Variants in UTRN observed in about 807,000 individuals in gnomAD.
The protein encoded by UTRN is dystrophin-related protein 1.
A neutral mutation model predicts 463.9 loss-of-function variants in UTRN; 283 were observed. That is an observed-to-expected ratio of 0.61 (90% confidence interval 0.55 to 0.67). The LOEUF is 0.67. Among genes scored for constraint, UTRN ranks in the 30% least tolerant of loss-of-function variants. UTRN has a pLI of 0.00. For missense variants in UTRN, 3,922 were observed against 4,084.3 expected (o/e 0.96, Z 1.08); for synonymous variants, 1,442 against 1,431.5 (o/e 1.01, Z -0.17).
intron 2 of UTRN, among the ~76,000 whole-genome samples, chr6:144,331,369 A>G (rs1776320842): frequency 6.6e-6 from 1 of 152,168 alleles, no homozygotes; most frequent in Admixed American, 6.5e-5. Context: ...GTTGAATATG[A>G]ATGGATTGGG....
chr6:144,745,864 TAACA>T (rs1790678432), intron 54 of UTRN, among the ~76,000 whole-genome samples: 1 of 152,078 alleles, frequency 6.6e-6, no homozygotes, highest in African/African-American at 2.4e-5. Flanking sequence ...AGTGACTTAT[TAACA>T]AACACAGGTG....
At chr6:144,685,678 A>G (rs1033708781) in intron 52 of UTRN, among the ~76,000 whole-genome samples, 1 of 151,996 alleles carries the variant, frequency 6.6e-6, no homozygotes, top group African/African-American at 2.4e-5. Context: ...AGAAATGTCT[A>G]ATCATGTCAT....
chr6:144,687,216 G>A (rs1014681154), intron 52 of UTRN, among the ~76,000 whole-genome samples: 14 of 152,020 alleles, frequency 9.2e-5, no homozygotes, highest in African/African-American at 2.7e-4. Context: ...TGTTCATCAG[G>A]GATATTGGTC....
intron 33 of UTRN, among the ~76,000 whole-genome samples, chr6:144,498,658 A>G (rs1463660577): frequency 6.7e-6 from 1 of 149,048 alleles, no homozygotes; most frequent in Non-Finnish European, 1.5e-5. Flanking sequence ...ACACATAACA[A>G]TCTTTTTTTT....
intron 53 of UTRN, among the ~76,000 whole-genome samples, chr6:144,724,263 C>CT: frequency 8.3e-6 from 1 of 120,046 alleles, no homozygotes; most frequent in African/African-American, 3.2e-5. Flanking sequence ...GAGTCTCGCT[C>CT]TGTCACCCAG....
At chr6:144,410,041 C>A (rs926858107) in intron 3 of UTRN, among the ~76,000 whole-genome samples, 1 of 152,144 alleles carries the variant, frequency 6.6e-6, no homozygotes, top group African/African-American at 2.4e-5. Context: ...TCCACCTTCT[C>A]AACAACTCCT....
chr6:144,655,585 G>T (rs1338839765), intron 51 of UTRN, among the ~76,000 whole-genome samples: 1 of 152,086 alleles, frequency 6.6e-6, no homozygotes, highest in African/African-American at 2.4e-5. Flanking sequence ...ATCACCTATT[G>T]ACCTTCCATA....
chr6:144,687,245 G>A (rs897474154), intron 52 of UTRN, among the ~76,000 whole-genome samples: 1 of 151,974 alleles, frequency 6.6e-6, no homozygotes, highest in Non-Finnish European at 1.5e-5. Context: ...TGTTTGTTAG[G>A]TTGTTTCCTG....
chr6:144,725,134 G>A (rs1316027174), intron 53 of UTRN, among the ~76,000 whole-genome samples: 3 of 152,158 alleles, frequency 2.0e-5, no homozygotes, highest in Non-Finnish European at 4.4e-5. Context: ...AATCATGGGG[G>A]CAGGTTTTTC....
intron 57 of UTRN, among the ~76,000 whole-genome samples, chr6:144,757,037 C>A (rs1792070788): frequency 6.6e-6 from 1 of 151,902 alleles, no homozygotes; most frequent in South Asian, 2.1e-4. Flanking sequence ...GTATTGGTGA[C>A]AACTGGCTAC....
At chr6:144,288,802 G>A (rs540849378) in intron 1 of UTRN, among the ~76,000 whole-genome samples, 11 of 138,980 alleles carry the variant, frequency 7.9e-5, no homozygotes, top group African/African-American at 2.5e-4. Context: ...CCACTCGGTC[G>A]TCAAGGCTGG....
At chr6:144,388,313 C>T (rs1295250022) in intron 2 of UTRN, among the ~76,000 whole-genome samples, 1 of 151,154 alleles carries the variant, frequency 6.6e-6, no homozygotes, top group African/African-American at 2.4e-5. Context: ...ATTTTTTTAA[C>T]CTTTTGTGTT....
chr6:144,428,245 C>T (rs1386262993), intron 7 of UTRN, among the ~76,000 whole-genome samples: 1 of 152,124 alleles, frequency 6.6e-6, no homozygotes, highest in Non-Finnish European at 1.5e-5. Flanking sequence ...GGAAACTCTT[C>T]CAAGGCTTTT....
In UTRN at chr6:144,403,113, C is replaced by T; in HGVS notation, c.80-10C>T. 6.2e-7 allele frequency: 1 copy of T among 1,612,142 alleles called. No individual in the cohort carries two copies. The highest frequency in any genetic ancestry group is 8.5e-7 in the Non-Finnish European group (1 of 1,178,808). On this transcript the variant is annotated splice_polypyrimidine_tract_variant and intron_variant, in intron 2 of 74. Transcript: ENST00000367545. The stretch of plus-strand genomic sequence containing the variant: ...TACTTTTTCCTTCTCTTTCTTTTTC[C>T]ATTCCACAGATGAACACAATGACGT...
intron 51 of UTRN, among the ~76,000 whole-genome samples, chr6:144,582,975 T>C (rs1274495434): frequency 3.3e-5 from 5 of 152,176 alleles, no homozygotes; most frequent in Non-Finnish European, 5.9e-5. Context: ...AGAGCACAGC[T>C]AGAGCTGCAT....
intron 57 of UTRN, 67 bp from the exon 58 acceptor site, chr6:144,757,862 G>C (rs1375285378): frequency 7.1e-7 from 1 of 1,418,312 alleles, no homozygotes; most frequent in East Asian, 2.4e-5. Flanking sequence ...ATGTTCAGTT[G>C]TTTTGCATTA....
Position 144,424,496 on chromosome 6 carries a change from A to T in UTRN, c.405+418A>T, listed in dbSNP as rs143611142. ...AACTAGTGACATCTGCAATGACCTTATTTCCAAATAGAGCCCCTCTCTGAA... is the reference window on the plus strand; with the variant it reads ...AACTAGTGACATCTGCAATGACCTTTTTTCCAAATAGAGCCCCTCTCTGAA... On this transcript the variant is annotated intron_variant, in intron 6 of 74. Transcript: ENST00000367545. Among the ~76,000 whole-genome samples, 5 of 152,252 alleles carry T rather than the reference A, an allele frequency of 3.3e-5. No individual in the cohort carries two copies. The East Asian group carries it at 7.7e-4, about 24-fold the overall frequency.
chr6:144,739,010 T>A (rs1174197331), intron 54 of UTRN, among the ~76,000 whole-genome samples: 1 of 152,220 alleles, frequency 6.6e-6, no homozygotes, highest in African/African-American at 2.4e-5. Flanking sequence ...TGTGTATGAA[T>A]GTATATGTGA....
chr6:144,305,296 C>A (rs1353431830), intron 2 of UTRN, among the ~76,000 whole-genome samples: 1 of 152,136 alleles, frequency 6.6e-6, no homozygotes, highest in Non-Finnish European at 1.5e-5. Context: ...CATATACCTG[C>A]AGAAATTGCC....
Sources: allele counts gnomAD v4.1 joint callset (sites outside exome capture counted in the v4.1 genomes callset), GRCh38; gene constraint gnomAD v4.1.1; transcripts MANE v1.5; gene names NCBI Gene and HGNC (gene_info 2026-07-23, HGNC 2026-07-21).